NTM: variants seen among roughly 807,000 people sequenced by gnomAD.
NTM encodes the protein neurotrimin.
A neutral mutation model predicts 42.1 loss-of-function variants in NTM; 13 were observed. That is an observed-to-expected ratio of 0.31 (90% CI 0.20 to 0.49). The LOEUF (loss-of-function observed/expected upper bound fraction) is 0.49, where lower values mean the gene tolerates loss of function less well. Among genes scored for constraint, NTM ranks in the 20% least tolerant of loss-of-function variants. The pLI, the probability that NTM is intolerant of heterozygous loss-of-function variation, is 0.99. For synonymous variants in NTM, 187 were observed against 179.2 expected (o/e 1.04, Z -0.35); for missense variants, 373 against 452.8 (o/e 0.82, Z 1.60).
At chr11:131,374,902 G>T (rs1176118677) in intron 1 of NTM, among the ~76,000 whole-genome samples, 1 of 152,206 alleles carries the variant, frequency 6.6e-6, no homozygotes, top group Non-Finnish European at 1.5e-5. Flanking sequence ...CTTTGGGTAG[G>T]ATGAACAGGT....
At chr11:131,712,597 C>T (rs74958949) in intron 1 of NTM, among the ~76,000 whole-genome samples, 230 of 152,078 alleles carry the variant, frequency 1.5e-3, no homozygotes, top group African/African-American at 5.3e-3. Flanking sequence ...ATACATTTTA[C>T]TCATAGAGAC....
chr11:131,776,705 T>C (rs2087047591), intron 1 of NTM, among the ~76,000 whole-genome samples: 1 of 152,194 alleles, frequency 6.6e-6, no homozygotes, highest in Non-Finnish European at 1.5e-5. Flanking sequence ...TGTTTATTTT[T>C]CCCTATACAT....
intron 1 of NTM, among the ~76,000 whole-genome samples, chr11:131,389,602 T>C (rs1943760091): frequency 6.6e-6 from 1 of 152,204 alleles, no homozygotes; most frequent in African/African-American, 2.4e-5. Context: ...TGTGTTGATG[T>C]AAATGACTGG....
chr11:132,267,053 T>A, intron 4 of NTM, among the ~76,000 whole-genome samples: 1 of 152,196 alleles, frequency 6.6e-6, no homozygotes, highest in Admixed American at 6.5e-5. Context: ...ACCCACCATT[T>A]ATCAACATTT....
chr11:132,052,791 G>C (rs1469373573), intron 2 of NTM, among the ~76,000 whole-genome samples: 1 of 151,876 alleles, frequency 6.6e-6, no homozygotes. Flanking sequence ...GTGTGTGTGT[G>C]TGTGTGTGTG....
chr11:131,903,892 T>C (rs2053504783), intron 1 of NTM, among the ~76,000 whole-genome samples: 1 of 152,206 alleles, frequency 6.6e-6, no homozygotes, highest in African/African-American at 2.4e-5. Context: ...TTAACCCATT[T>C]GAGTGAATTA....
intron 1 of NTM, among the ~76,000 whole-genome samples, chr11:131,393,231 C>G (rs1403149483): frequency 6.6e-6 from 1 of 152,208 alleles, no homozygotes; most frequent in Non-Finnish European, 1.5e-5. Context: ...AAGTGGATCC[C>G]CAGACTGGGA....
chr11:132,075,430 A>G (rs1372149809), intron 2 of NTM, among the ~76,000 whole-genome samples: 2 of 152,216 alleles, frequency 1.3e-5, no homozygotes, highest in African/African-American at 2.4e-5. Flanking sequence ...TAAAAGTCCT[A>G]CATACATTTG....
At chr11:132,256,677 G>A (rs1052803275) in intron 4 of NTM, among the ~76,000 whole-genome samples, 7 of 151,568 alleles carry the variant, frequency 4.6e-5, no homozygotes, top group South Asian at 2.1e-4. Context: ...GACTGGCAGG[G>A]CCTGTTCTCA....
At chr11:131,930,853 A>G (rs547372597) in intron 2 of NTM, among the ~76,000 whole-genome samples, 11 of 152,360 alleles carry the variant, frequency 7.2e-5, no homozygotes, top group African/African-American at 2.6e-4. Context: ...TTTAAAATTA[A>G]CGTAGTCCTG....
chr11:132,251,384 G>A (rs1566580405), intron 4 of NTM, among the ~76,000 whole-genome samples: 1 of 152,212 alleles, frequency 6.6e-6, no homozygotes, highest in East Asian at 1.9e-4. Flanking sequence ...CAGGAAGGAA[G>A]CTTTTGATAC....
chr11:131,463,909 G>A (rs894638913), intron 1 of NTM, among the ~76,000 whole-genome samples: 3 of 152,258 alleles, frequency 2.0e-5, no homozygotes, highest in African/African-American at 4.8e-5. Context: ...GGCTCCCAGA[G>A]ATTGGTTTAT....
At chr11:132,334,734 C>A (rs2095856590) in intron 8 of NTM, among the ~76,000 whole-genome samples, 1 of 151,974 alleles carries the variant, frequency 6.6e-6, no homozygotes, top group African/African-American at 2.4e-5. Flanking sequence ...AATCTGCCAC[C>A]TTCTTCTTGA....
At chr11:131,549,726 A>G in intron 1 of NTM, among the ~76,000 whole-genome samples, 1 of 152,192 alleles carries the variant, frequency 6.6e-6, no homozygotes, top group East Asian at 1.9e-4. Context: ...GATTCATTGT[A>G]TTGGAGGTTA....
intron 1 of NTM, among the ~76,000 whole-genome samples, chr11:131,842,384 G>C (rs1273416339): frequency 6.6e-6 from 1 of 152,166 alleles, no homozygotes; most frequent in African/African-American, 2.4e-5. Flanking sequence ...TGGTTCCACA[G>C]AGTTTATCTG....
At chr11:131,789,752 C>A (rs1049351673) in intron 1 of NTM, among the ~76,000 whole-genome samples, 12 of 150,862 alleles carry the variant, frequency 8.0e-5, no homozygotes, top group African/African-American at 2.7e-4. Context: ...GTCAGGAGAT[C>A]AAGACCATCC....
intron 2 of NTM, among the ~76,000 whole-genome samples, chr11:132,008,567 AATGAACACCAG>A (rs1209679263): frequency 2.0e-5 from 3 of 152,014 alleles, no homozygotes; most frequent in East Asian, 3.9e-4. Flanking sequence ...AAGTGTGGGG[AATGAACACCAG>A]ATGTGAGTGC....
chr11:131,910,423 A>T (rs115582583), intron 1 of NTM, among the ~76,000 whole-genome samples: 1,718 of 147,868 alleles, frequency 0.012, 33 homozygotes, highest in African/African-American at 0.039. Context: ...GGGCTGGTGC[A>T]CAGCCTGGGC....
At chr11:131,831,937 T>TTA (rs1278040695) in intron 1 of NTM, among the ~76,000 whole-genome samples, 1 of 147,780 alleles carries the variant, frequency 6.8e-6, no homozygotes, top group Non-Finnish European at 1.5e-5. Context: ...TCCTATGTAA[T>TTA]TATATATATA....
Sources: allele counts gnomAD v4.1 joint callset (sites outside exome capture counted in the v4.1 genomes callset), GRCh38; gene constraint gnomAD v4.1.1; transcripts MANE v1.5; gene names NCBI Gene and HGNC (gene_info 2026-07-23, HGNC 2026-07-21).